The following SNX13 variants were observed in gnomAD, a reference collection of about 807,000 sequenced individuals.
SNX13 encodes sorting nexin-13.
Under a neutral mutation model 133.6 loss-of-function variants are expected in SNX13, and 45 were observed. That is an observed-to-expected ratio of 0.34 (90% CI 0.27 to 0.43). The LOEUF is 0.43. Ranked by LOEUF, SNX13 falls within the 20% of genes least tolerant of loss-of-function variation. SNX13 has a pLI of 1.00. For missense variants in SNX13, 1,032 were observed against 1,145.1 expected (o/e 0.90, Z 1.43); for synonymous variants, 414 against 373.9 (o/e 1.11, Z -1.24).
At chr7:17,862,828 A>G (rs961445462) in intron 9 of SNX13, among the ~76,000 whole-genome samples, 1 of 152,148 alleles carries the variant, frequency 6.6e-6, no homozygotes, top group Non-Finnish European at 1.5e-5. Flanking sequence ...CATCCTCCCC[A>G]CAGGAACACC....
At chr7:17,827,981 TTAA>T (rs1368470835) in intron 16 of SNX13, among the ~76,000 whole-genome samples, 1 of 151,768 alleles carries the variant, frequency 6.6e-6, no homozygotes, top group Non-Finnish European at 1.5e-5. Flanking sequence ...AAAAGCATTA[TTAA>T]TAATGGTAAC....
intron 16 of SNX13, among the ~76,000 whole-genome samples, chr7:17,828,628 G>A (rs1562715237): frequency 2.6e-5 from 4 of 151,372 alleles, no homozygotes; most frequent in Admixed American, 2.6e-4. Context: ...TTGTCTACAT[G>A]GTCCAACTAC....
intron 3 of SNX13, 36 bp from the exon 4 acceptor site, chr7:17,891,671 T>C: frequency 6.8e-7 from 1 of 1,475,658 alleles, no homozygotes; most frequent in Non-Finnish European, 9.4e-7. Context: ...TGAGTAGTTT[T>C]CTGATGTAAA....
chr7:17,801,018 A>ATATATATATATATATATACG (rs1784564953), intron 22 of SNX13, among the ~76,000 whole-genome samples: 1 of 11,738 alleles, frequency 8.5e-5, no homozygotes, highest in African/African-American at 2.1e-4. Flanking sequence ...ACATATATAT[A>ATATATATATATATATATACG]TATATATATA....
At chr7:17,801,549 G>A in intron 22 of SNX13, 39 bp downstream of exon 22, 1 of 1,495,362 alleles carries the variant, frequency 6.7e-7, no homozygotes, top group South Asian at 1.2e-5. Flanking sequence ...TGCCAAGTAT[G>A]ACTTAAACTA....
chr7:17,888,238 T>C (rs1796234014), intron 5 of SNX13: 1 of 152,532 alleles, frequency 6.6e-6, no homozygotes. Flanking sequence ...CTGTATTGTT[T>C]TAATTTTCCA....
Position 17,875,809 on chromosome 7 carries a change from C to T in SNX13, c.441-19G>A, listed in dbSNP as rs1238349375. ...TTTTGACCTTATAAAAAACACATTACATAAAAGGATTATATAAATGCTTTA... is the reference window on the plus strand; with the variant it reads ...TTTTGACCTTATAAAAAACACATTATATAAAAGGATTATATAAATGCTTTA... On this transcript the variant is annotated intron_variant, in intron 5 of 25. Transcript: ENST00000428135. The T allele has an allele frequency of 3.7e-5, 57 of 1,552,026 alleles. No homozygotes were observed. The highest frequency in any genetic ancestry group is 4.8e-5 in the Non-Finnish European group (55 of 1,143,688).
chr7:17,910,254 G>T (rs1406818536), intron 1 of SNX13, among the ~76,000 whole-genome samples: 1 of 152,066 alleles, frequency 6.6e-6, no homozygotes, highest in Non-Finnish European at 1.5e-5. Context: ...TAAGGGAAAA[G>T]AAATTCACCT....
chr7:17,814,454 T>C (rs1262777907), intron 20 of SNX13, among the ~76,000 whole-genome samples: 1 of 152,066 alleles, frequency 6.6e-6, no homozygotes, highest in Non-Finnish European at 1.5e-5. Context: ...AATGATTTTA[T>C]TCAAAAGGCA....
intron 1 of SNX13, among the ~76,000 whole-genome samples, chr7:17,903,518 A>G (rs966281875): frequency 2.0e-5 from 3 of 152,178 alleles, no homozygotes; most frequent in Non-Finnish European, 4.4e-5. Context: ...TTAGTTGTGT[A>G]ACCACTACAT....
Position 17,893,385 on chromosome 7 carries a change from G to A in SNX13, c.175C>T (p.Leu59=). ...LFGKTNSEKY[L]EQCEHSFLPP... ...AGAAATGAGTGTTCACACTGTTCTAGGTACTTCTCTGAGTTTGTTTTTCCA... is the reference window on the plus strand; with the variant it reads ...AGAAATGAGTGTTCACACTGTTCTAAGTACTTCTCTGAGTTTGTTTTTCCA... Residue 59 remains leucine (L), a synonymous_variant, in exon 3 of 26, where the codon CTA becomes TTA. Transcript: ENST00000428135. 6.3e-7 allele frequency: 1 copy of A among 1,577,132 alleles called. No homozygotes were observed. Among genetic ancestry groups the A allele is most frequent in the Non-Finnish European group, 8.6e-7 (1 of 1,159,722 alleles).
At chr7:17,938,562 G>A (rs1447688078) in intron 1 of SNX13, among the ~76,000 whole-genome samples, 1 of 152,192 alleles carries the variant, frequency 6.6e-6, no homozygotes, top group Non-Finnish European at 1.5e-5. Context: ...CCACTTATAA[G>A]TTGTGCAGTG....
chr7:17,873,753 C>T, intron 7 of SNX13, 137 bp from the exon 8 acceptor site: 1 of 387,702 alleles, frequency 2.6e-6, no homozygotes, highest in Non-Finnish European at 4.5e-6. Flanking sequence ...AATTAGTACA[C>T]ATCAGTATTC....
chr7:17,805,310 T>C (rs1405597201), intron 20 of SNX13, among the ~76,000 whole-genome samples: 5 of 151,658 alleles, frequency 3.3e-5, no homozygotes, highest in South Asian at 2.1e-4. Context: ...CTGTAGTTTT[T>C]GGTCAACCAG....
chr7:17,804,089 C>T (rs1019530506), intron 20 of SNX13, among the ~76,000 whole-genome samples: 2 of 152,042 alleles, frequency 1.3e-5, no homozygotes, highest in East Asian at 3.9e-4. Context: ...TTTTCACATA[C>T]ATATATATGA....
chr7:17,929,297 T>C (rs1250672993), intron 1 of SNX13, among the ~76,000 whole-genome samples: 1 of 152,066 alleles, frequency 6.6e-6, no homozygotes, highest in Non-Finnish European at 1.5e-5. Flanking sequence ...CTAAGTAAAA[T>C]GTTACTGTAA....
intron 3 of SNX13, among the ~76,000 whole-genome samples, 196 bp from the exon 4 acceptor site, chr7:17,891,831 T>C (rs1796662705): frequency 6.6e-6 from 1 of 152,062 alleles, no homozygotes; most frequent in African/African-American, 2.4e-5. Context: ...AAAATGATTA[T>C]CCTCAAAAAT....
At chr7:17,893,793 T>C (rs1315413055) in intron 2 of SNX13, among the ~76,000 whole-genome samples, 1 of 151,714 alleles carries the variant, frequency 6.6e-6, no homozygotes, top group Non-Finnish European at 1.5e-5. Flanking sequence ...ACCAACATGG[T>C]GAAACCCCGT....
rs1783616350 is a variant in SNX13, at chr7:17,792,215, A to AGT, written c.*1829_*1830insAC. 1 of 151,976 alleles carries AGT rather than the reference A, an allele frequency of 6.6e-6. No individual in the cohort carries two copies. The highest frequency in any genetic ancestry group is 2.4e-5 in the African/African-American group (1 of 41,394). 9.4% of individuals were successfully genotyped at this position (151,976 alleles called of 1,614,324 possible). A position where few individuals can be genotyped will look rare whatever the true frequency, so the allele number is the denominator to read the frequency against. ...ATGGCCATGCTGATGCTTCCTACAG[A>AGT]CATGTTTCATGTTTCAAACATTTTC... On this transcript the variant is annotated 3_prime_UTR_variant, in exon 26 of 26. Coordinates refer to ENST00000428135, the MANE Select transcript of SNX13 (RefSeq NM_015132.5).
Sources: allele counts gnomAD v4.1 joint callset (sites outside exome capture counted in the v4.1 genomes callset), GRCh38; gene constraint gnomAD v4.1.1; transcripts MANE v1.5; gene names NCBI Gene and HGNC (gene_info 2026-07-23, HGNC 2026-07-21).